The following NXNL1 variants were observed in gnomAD, a reference collection of about 807,000 sequenced individuals.
NXNL1 encodes nucleoredoxin-like protein 1.
A neutral mutation model predicts 7.2 loss-of-function variants in NXNL1; 6 were observed. That is an observed-to-expected ratio of 0.83 (90% CI 0.46 to 1.64). NXNL1 has a LOEUF of 1.64. NXNL1 is among the 40% of genes most tolerant of loss of function. The probability of loss-of-function intolerance (pLI) is 0.01; values close to 1 mark genes in which losing one functional copy is unlikely to be tolerated. For missense variants in NXNL1, 308 were observed against 285.1 expected (o/e 1.08, Z -0.58); for synonymous variants, 133 against 127.2 (o/e 1.05, Z -0.31).
At chr19:17,457,839 G>T (rs1364207115) in intron 1 of NXNL1, among the ~76,000 whole-genome samples, 1 of 152,226 alleles carries the variant, frequency 6.6e-6, no homozygotes, top group East Asian at 1.9e-4. Context: ...AGCGTTGCTA[G>T]CGTCAGGGAG....
At chr19:17,456,219 T>C (rs1351384894) in intron 1 of NXNL1, among the ~76,000 whole-genome samples, 1 of 151,722 alleles carries the variant, frequency 6.6e-6, no homozygotes, top group Non-Finnish European at 1.5e-5. Context: ...CCTCAGACAT[T>C]TGCAGGCTAA....
intron 1 of NXNL1, 78 bp downstream of exon 1, chr19:17,460,466 T>A: frequency 6.8e-6 from 10 of 1,464,898 alleles, no homozygotes; most frequent in Non-Finnish European, 9.3e-6. Context: ...GGCTGCTCAT[T>A]CACTCTAGTT....
chr19:17,456,975 G>A (rs981959730), intron 1 of NXNL1, among the ~76,000 whole-genome samples: 12 of 151,658 alleles, frequency 7.9e-5, no homozygotes, highest in Admixed American at 2.0e-4. Context: ...GCGTGAACCC[G>A]GAAGGCAGAG....
In NXNL1 at chr19:17,460,692, G is replaced by C; in HGVS notation, c.178C>G (p.Arg60Gly). ...AGTACATAGAACTCATCTGTGAGCC[G>C]CACGAAGAAGTCCTTGAGGATGGGC... The part of the protein sequence containing the change: ...FVPILKDFFV[R>G]LTDEFYVLRA... Residue 60 changes from arginine to glycine, a missense_variant, in exon 1 of 2, where the codon CGG (arginine) becomes GGG (glycine). Coordinates refer to ENST00000301944, the MANE Select transcript of NXNL1 (RefSeq NM_138454.2). The C allele has an allele frequency of 6.2e-7, 1 of 1,613,788 alleles. No individual in the cohort carries two copies. The highest frequency in any genetic ancestry group is 8.5e-7 in the Non-Finnish European group (1 of 1,180,032).
Position 17,455,530 on chromosome 19 carries a change from G to A in NXNL1, c.*117C>T, listed in dbSNP as rs1032191144. On this transcript the variant is annotated 3_prime_UTR_variant, in exon 2 of 2. Coordinates refer to ENST00000301944, the MANE Select transcript of NXNL1 (RefSeq NM_138454.2). Reference sequence around the variant, plus strand: ...TGCCCAGGTTGATCTCGAACCTCTGGGCTCAAGCGATCCTCCCGCCTTGGC... The same window carrying A: ...TGCCCAGGTTGATCTCGAACCTCTGAGCTCAAGCGATCCTCCCGCCTTGGC... 33 of 650,530 alleles carry A rather than the reference G, an allele frequency of 5.1e-5. No individual in the cohort carries two copies. Among genetic ancestry groups the A allele is most frequent in the South Asian group, 7.7e-5 (4 of 51,784 alleles). The allele number at this position is 650,530 out of a possible 1,614,324, so 40.3% of individuals were successfully genotyped here. A position where few individuals can be genotyped will look rare whatever the true frequency, so the allele number is the denominator to read the frequency against.
In NXNL1 at chr19:17,455,844, A is replaced by C; in HGVS notation, c.442T>G (p.Cys148Gly). The change falls in exon 2 of 2, where the codon TGC becomes GGC. Residue 148 changes from cysteine to glycine, a missense_variant. By Grantham distance (159) the Cys-to-Gly change is radical (BLOSUM62 -3). Coordinates refer to ENST00000301944, the MANE Select transcript of NXNL1 (RefSeq NM_138454.2). ...GCCGCCTCCTGCCAGTTGGCGAAGCAGGCGGTGCCCAGGCGCTGGATCTCG... is the reference window on the plus strand; with the variant it reads ...GCCGCCTCCTGCCAGTTGGCGAAGCCGGCGGTGCCCAGGCGCTGGATCTCG... ...ADEIQRLGTA[C>G]FANWQEAAEV... The C allele has an allele frequency of 6.3e-7, 1 of 1,588,294 alleles. No homozygotes were observed. The highest frequency in any genetic ancestry group is 8.5e-7 in the Non-Finnish European group (1 of 1,173,756).
Position 17,455,663 on chromosome 19 carries a change from G to GGCCCCCCCCCCCCCCCCCCCCCCCCCCC in NXNL1, c.622_623insGGGGGGGGGGGGGGGGGGGGGGGGGGGC (p.Ala208GlyfsTer18). ...CCTAGCGGGTCAGAACAGCCCCCCG[G>GGCCCCCCCCCCCCCCCCCCCCCCCCCCC]CCCCGCCCTCCTCCCCACCCCCTCC... On this transcript the variant is annotated frameshift_variant, in exon 2 of 2. Transcript: ENST00000301944. LOFTEE classifies it high-confidence loss of function. 6 of 771,712 alleles carry GGCCCCCCCCCCCCCCCCCCCCCCCCCCC rather than the reference G, an allele frequency of 7.8e-6. No homozygotes were observed. Among genetic ancestry groups the GGCCCCCCCCCCCCCCCCCCCCCCCCCCC allele is most frequent in the East Asian group, 2.8e-5 (1 of 36,240 alleles). The allele number at this position is 771,712 out of a possible 1,614,324, so 47.8% of individuals were successfully genotyped here.
chr19:17,460,390 C>T lies in NXNL1; in HGVS notation c.326+154G>A, dbSNP rs116470250. Among the ~76,000 whole-genome samples the T allele has an allele frequency of 2.2e-3, 338 of 152,192 alleles. 3 individuals carry two copies. The highest frequency in any genetic ancestry group is 7.7e-3 in the African/African-American group (319 of 41,528). ...AAGCTCCCTGGGGTGGCATGGAAGC[C>T]AGCATGTGGAAGTGGGCACCCCTGT... On this transcript the variant is annotated intron_variant, in intron 1 of 1. Transcript: ENST00000301944.
chr19:17,455,663 GCCC>G lies in NXNL1; in HGVS notation c.620_622del (p.Gly207del). The G allele has an allele frequency of 1.0e-5, 8 of 771,706 alleles. No homozygotes were observed. Among genetic ancestry groups the G allele is most frequent in the South Asian group, 1.5e-5 (1 of 66,492 alleles). 47.8% of individuals were successfully genotyped at this position (771,706 alleles called of 1,614,324 possible). ...CCTAGCGGGTCAGAACAGCCCCCCG[GCCC>G]CGCCCTCCTCCCCACCCCCTCCCCC... is the stretch of plus-strand genomic sequence containing the variant. On this transcript the variant is annotated inframe_deletion, in exon 2 of 2. Coordinates refer to ENST00000301944, the MANE Select transcript of NXNL1 (RefSeq NM_138454.2).
Position 17,455,858 on chromosome 19 carries a change from C to T in NXNL1, c.428G>A (p.Arg143His), listed in dbSNP as rs1329428055. The change falls in exon 2 of 2, where the codon CGC becomes CAC. Residue 143 changes from arginine (R) to histidine (H), a missense_variant. By Grantham distance (29) the Arg-to-His change is conservative. Coordinates refer to ENST00000301944, the MANE Select transcript of NXNL1 (RefSeq NM_138454.2). ...LTRDGADEIQ[R>H]LGTACFANWQ... ...GTTGGCGAAGCAGGCGGTGCCCAGG[C>T]GCTGGATCTCGTCGGCGCCGTCGCG... is the stretch of plus-strand genomic sequence containing the variant. The T allele has an allele frequency of 6.3e-7, 1 of 1,588,446 alleles. No homozygotes were observed. Among genetic ancestry groups the T allele is most frequent in the Non-Finnish European group, 8.5e-7 (1 of 1,174,032 alleles).
intron 1 of NXNL1, among the ~76,000 whole-genome samples, 185 bp downstream of exon 1, chr19:17,460,359 G>A (rs2075007859): frequency 6.6e-6 from 1 of 151,922 alleles, no homozygotes; most frequent in South Asian, 2.1e-4. Context: ...CCTCTCACTC[G>A]GCTCTAAGCT....
At chr19:17,459,141 A>C (rs992513458) in intron 1 of NXNL1, among the ~76,000 whole-genome samples, 1 of 152,156 alleles carries the variant, frequency 6.6e-6, no homozygotes, top group African/African-American at 2.4e-5. Context: ...TACTCTGAGG[A>C]TCATGTCTAT....
In NXNL1 at chr19:17,456,967, G is replaced by C. The variant is rs548036350; in HGVS notation, c.327-1008C>G. ...GGAGAGGCTGAGGCAGGAGAATGGCGTGAACCCGGAAGGCAGAGCTTGCAG... is the reference window on the plus strand; with the variant it reads ...GGAGAGGCTGAGGCAGGAGAATGGCCTGAACCCGGAAGGCAGAGCTTGCAG... On this transcript the variant is annotated intron_variant, in intron 1 of 1. Transcript: ENST00000301944. Among the ~76,000 whole-genome samples, 3 of 151,846 alleles carry C rather than the reference G, an allele frequency of 2.0e-5. No homozygotes were observed. In the South Asian group the frequency reaches 6.2e-4, roughly 32 times the overall value.
At position 17,455,668 on chromosome 19, in the gene NXNL1, G is replaced by GGGGCCCCCCCCC; in HGVS notation, c.617_618insGGGGGGGGGCCC (p.Gly207_Ala208insGlyGlyProGly). 1 of 330,286 alleles carries GGGGCCCCCCCCC rather than the reference G, an allele frequency of 3.0e-6. No homozygotes were observed. The highest frequency in any genetic ancestry group is 4.7e-6 in the Non-Finnish European group (1 of 214,742). The allele number at this position is 330,286 out of a possible 1,614,324, so 20.5% of individuals were successfully genotyped here. A position where few individuals can be genotyped will look rare whatever the true frequency, so the allele number is the denominator to read the frequency against. On this transcript the variant is annotated inframe_insertion, in exon 2 of 2. Coordinates refer to ENST00000301944, the MANE Select transcript of NXNL1 (RefSeq NM_138454.2). ...CGGGTCAGAACAGCCCCCCGGCCCCGCCCTCCTCCCCACCCCCTCCCCCGG... is the reference window on the plus strand; with the variant it reads ...CGGGTCAGAACAGCCCCCCGGCCCCGGGGCCCCCCCCCCCCTCCTCCCCACCCCCTCCCCCGG...
In NXNL1 at chr19:17,455,824, C is replaced by A; in HGVS notation, c.462G>T (p.Glu154Asp). 1 of 1,581,076 alleles carries A rather than the reference C, an allele frequency of 6.3e-7. No individual in the cohort carries two copies. Among genetic ancestry groups the A allele is most frequent in the East Asian group, 2.3e-5 (1 of 43,492 alleles). ...LGTACFANWQ[E>D]AAEVLDRNFQ... ...AGTTGCGGTCCAGCACCTCGGCCGC[C>A]TCCTGCCAGTTGGCGAAGCAGGCGG... Residue 154 changes from glutamate (E) to aspartate (D), a missense_variant, in exon 2 of 2, where the codon GAG (glutamate) becomes GAT (aspartate). Coordinates refer to ENST00000301944, the MANE Select transcript of NXNL1 (RefSeq NM_138454.2).
intron 1 of NXNL1, among the ~76,000 whole-genome samples, chr19:17,458,883 C>A (rs1368761936): frequency 6.6e-6 from 1 of 152,076 alleles, no homozygotes; most frequent in African/African-American, 2.4e-5. Context: ...GGATTACAGG[C>A]ATGAGCCACC....
chr19:17,459,744 C>T (rs1190357705), intron 1 of NXNL1, among the ~76,000 whole-genome samples: 1 of 152,010 alleles, frequency 6.6e-6, no homozygotes, highest in East Asian at 1.9e-4. Flanking sequence ...CAGGGTCTAC[C>T]TGTATTGCCC....
intron 1 of NXNL1, among the ~76,000 whole-genome samples, chr19:17,458,359 T>C (rs1007512591): frequency 6.6e-6 from 1 of 151,124 alleles, no homozygotes; most frequent in African/African-American, 2.4e-5. Flanking sequence ...TAGCTGGGAC[T>C]ACAGGCGCCC....
In NXNL1 at chr19:17,458,224, T is replaced by C. The variant is rs970429468; in HGVS notation, c.327-2265A>G. On this transcript the variant is annotated intron_variant, in intron 1 of 1. Coordinates refer to ENST00000301944, the MANE Select transcript of NXNL1 (RefSeq NM_138454.2). ...TTTCTTTCTTTTTCTTTCTTTCTTT[T>C]TTTTTTTTTTTTTGTGACATAGTCT... Among the ~76,000 whole-genome samples the C allele has an allele frequency of 1.9e-4, 27 of 143,916 alleles. No individual in the cohort carries two copies. In the East Asian group the frequency reaches 2.4e-3, roughly 13 times the overall value. 94.4% of individuals were successfully genotyped at this position (143,916 alleles called of 152,430 possible). A position where few individuals can be genotyped will look rare whatever the true frequency, so the allele number is the denominator to read the frequency against.
Sources: allele counts gnomAD v4.1 joint callset (sites outside exome capture counted in the v4.1 genomes callset), GRCh38; gene constraint gnomAD v4.1.1; transcripts MANE v1.5; gene names NCBI Gene and HGNC (gene_info 2026-07-23, HGNC 2026-07-21).